Variants in CDR2L observed in about 807,000 individuals in gnomAD.
The protein encoded by CDR2L is cerebellar degeneration-related protein 2-like.
In CDR2L, 19 loss-of-function variants were observed where a neutral mutation model predicts 36.1. The ratio of observed to expected loss-of-function variants is 0.53; its 90% CI spans 0.37 to 0.77. The LOEUF (loss-of-function observed/expected upper bound fraction) is 0.77, where lower values mean the gene tolerates loss of function less well. CDR2L is among the 30% of genes least tolerant of loss of function. The pLI is 0.00. For synonymous variants in CDR2L, 285 were observed against 280.4 expected (o/e 1.02, Z -0.16); for missense variants, 575 against 627.2 (o/e 0.92, Z 0.89).
chr17:74,999,387 C>T, intron 1 of CDR2L, 117 bp from the exon 2 acceptor site: 1 of 675,522 alleles, frequency 1.5e-6, no homozygotes, highest in South Asian at 1.7e-5. Flanking sequence ...TACCTCTCCT[C>T]CCAGGCCTGG....
chr17:75,003,704 A>G lies in CDR2L; in HGVS notation c.1028A>G (p.Asn343Ser). The G allele has an allele frequency of 6.8e-7, 1 of 1,465,432 alleles. No homozygotes were observed. Among genetic ancestry groups the G allele is most frequent in the Non-Finnish European group, 9.0e-7 (1 of 1,107,258 alleles). The allele number at this position is 1,465,432 out of a possible 1,614,324, so 90.8% of individuals were successfully genotyped here. The change falls in exon 5 of 5, where the codon AAC becomes AGC. Residue 343 changes from asparagine (N) to serine (S), a missense_variant. Physicochemically the swap from Asn to Ser is conservative, Grantham distance 46. Transcript: ENST00000337231. ...GCGGGCAACCTCACACTGCACGCCA[A>G]CAGCGTGCGCAAGCGGGGCATGTCC... ...RHAGNLTLHA[N>S]SVRKRGMSIL... is the part of the protein sequence containing the mutation.
chr17:74,999,738 C>G, intron 2 of CDR2L, 122 bp downstream of exon 2: 1 of 596,306 alleles, frequency 1.7e-6, no homozygotes, highest in Non-Finnish European at 3.0e-6. Context: ...TAGCCTGGTA[C>G]AGTTCACAAC....
In CDR2L at chr17:75,003,784, C is replaced by G; in HGVS notation, c.1108C>G (p.Leu370Val). ...CGCGCTGCTGGAGAAGTACGAGGAGCTGCTGAGCAAGTGCCGGCAGCACGG... is the reference window on the plus strand; with the variant it reads ...CGCGCTGCTGGAGAAGTACGAGGAGGTGCTGAGCAAGTGCCGGCAGCACGG... Reference protein sequence around the residue: ...YHALLEKYEELLSKCRQHGAG... With the variant: ...YHALLEKYEEVLSKCRQHGAG... The change falls in exon 5 of 5, where the codon CTG (leucine) becomes GTG (valine). Residue 370 changes from leucine (L) to valine (V), a missense_variant. Coordinates refer to ENST00000337231, the MANE Select transcript of CDR2L (RefSeq NM_014603.3). 1 of 1,524,808 alleles carries G rather than the reference C, an allele frequency of 6.6e-7. No individual in the cohort carries two copies. Among genetic ancestry groups the G allele is most frequent in the Non-Finnish European group, 8.8e-7 (1 of 1,134,140 alleles). The allele number at this position is 1,524,808 out of a possible 1,614,324, so 94.5% of individuals were successfully genotyped here.
rs1043122984 is a variant in CDR2L, at chr17:75,004,208, C to T, written c.*134C>T. 7 of 751,740 alleles carry T rather than the reference C, an allele frequency of 9.3e-6. No homozygotes were observed. Among genetic ancestry groups the T allele is most frequent in the African/African-American group, 8.9e-5 (5 of 56,370 alleles). The allele number at this position is 751,740 out of a possible 1,614,324, so 46.6% of individuals were successfully genotyped here. On this transcript the variant is annotated 3_prime_UTR_variant, in exon 5 of 5. Coordinates refer to ENST00000337231, the MANE Select transcript of CDR2L (RefSeq NM_014603.3). ...CACGCGGCCTCCTGATCCGGAAGCA[C>T]GCAGCATGTTCCCTGCTGAGCGGAG... is the stretch of plus-strand genomic sequence containing the variant.
Position 75,002,912 on chromosome 17 carries a change from C to T in CDR2L, c.507-271C>T, listed in dbSNP as rs545488708. 6.6e-6 allele frequency among the ~76,000 whole-genome samples: 1 copy of T among 152,298 alleles called. No homozygotes were observed. The highest frequency in any genetic ancestry group is 2.1e-4 in the South Asian group (1 of 4,834). On this transcript the variant is annotated intron_variant, in intron 4 of 4. Transcript: ENST00000337231. This position sits in a 1 kb window ranked among gnomAD's most constrained non-coding sequence, Gnocchi z 4.1. ...CACCCCACGGCCTCTGCTCCCCCCTCGGACCTCTAGCCAGTGCCTCTCATG... is the reference window on the plus strand; with the variant it reads ...CACCCCACGGCCTCTGCTCCCCCCTTGGACCTCTAGCCAGTGCCTCTCATG...
chr17:75,003,442 C>T lies in CDR2L; in HGVS notation c.766C>T (p.Gln256Ter). 1 of 1,577,766 alleles carries T rather than the reference C, an allele frequency of 6.3e-7. No individual in the cohort carries two copies. Among genetic ancestry groups the T allele is most frequent in the Non-Finnish European group, 8.6e-7 (1 of 1,162,960 alleles). The stretch of plus-strand genomic sequence containing the variant: ...GGAGGCCGAGCTGCTGGAGCTGCAG[C>T]AGATGAAGCAGGCCAAGACCTACCT... ...ELEAELLELQ[Q>*]MKQAKTYLLG... is the part of the protein sequence containing the mutation. The change falls in exon 5 of 5, where the codon CAG (glutamine) becomes TAG (stop). Residue 256 changes from glutamine (Q) to a stop codon, truncating the protein, a stop_gained. Transcript: ENST00000337231. LOFTEE classifies it high-confidence loss of function.
Position 75,002,482 on chromosome 17 carries a change from G to A in CDR2L, c.506+254G>A, listed in dbSNP as rs555043235. Among the ~76,000 whole-genome samples the A allele has an allele frequency of 6.6e-6, 1 of 152,332 alleles. No individual in the cohort carries two copies. The highest frequency in any genetic ancestry group is 2.4e-5 in the African/African-American group (1 of 41,564). On this transcript the variant is annotated intron_variant, in intron 4 of 4. Coordinates refer to ENST00000337231, the MANE Select transcript of CDR2L (RefSeq NM_014603.3). This position sits in a 1 kb window ranked among gnomAD's most constrained non-coding sequence, Gnocchi z 4.1. ...CTCCAGATGATAAAACTGAAGCCCA[G>A]AGGTTGTGTGTCTTATCCAAGGTCA...
intron 2 of CDR2L, among the ~76,000 whole-genome samples, chr17:75,000,617 TAA>T (rs71159407): frequency 1.9e-4 from 22 of 114,226 alleles, no homozygotes; most frequent in Non-Finnish European, 2.1e-4. Context: ...TTTTAGAAGT[TAA>T]AAAAAAAAAA....
At chr17:74,994,600 G>A (rs918529798) in intron 1 of CDR2L, among the ~76,000 whole-genome samples, 1 of 152,188 alleles carries the variant, frequency 6.6e-6, no homozygotes, top group Admixed American at 6.5e-5. Context: ...GTACAACAAA[G>A]TTAATTAGTT....
intron 1 of CDR2L, among the ~76,000 whole-genome samples, chr17:74,988,746 A>G (rs1488582584): frequency 6.6e-6 from 1 of 152,086 alleles, no homozygotes; most frequent in Non-Finnish European, 1.5e-5. Flanking sequence ...CAAATGGCTC[A>G]TGGTTTGGAG....
rs371290436 is a variant in CDR2L, at chr17:75,003,800, G to C, written c.1124G>C (p.Arg375Pro). 5.2e-4 allele frequency: 794 copies of C among 1,535,368 alleles called. 7 individuals carry two copies. In the South Asian group the frequency reaches 7.4e-3, roughly 14 times the overall value. Residue 375 changes from arginine to proline, a missense_variant, in exon 5 of 5, where the codon CGG becomes CCG. Arg to Pro is a moderately radical substitution (Grantham distance 103, BLOSUM62 -2). Coordinates refer to ENST00000337231, the MANE Select transcript of CDR2L (RefSeq NM_014603.3). Reference protein sequence around the residue: ...EKYEELLSKCRQHGAGVRHAG... With the variant: ...EKYEELLSKCPQHGAGVRHAG... ...TACGAGGAGCTGCTGAGCAAGTGCC[G>C]GCAGCACGGGGCCGGAGTGCGGCAC...
intron 1 of CDR2L, among the ~76,000 whole-genome samples, chr17:74,993,160 C>A (rs1321046746): frequency 6.6e-6 from 1 of 152,150 alleles, no homozygotes; most frequent in Non-Finnish European, 1.5e-5. Flanking sequence ...AAATTTGAGT[C>A]CCACTATGGA....
chr17:75,003,348 G>A lies in CDR2L; in HGVS notation c.672G>A (p.Leu224=). 6.4e-7 allele frequency: 1 copy of A among 1,557,564 alleles called. No individual in the cohort carries two copies. The highest frequency in any genetic ancestry group is 8.7e-7 in the Non-Finnish European group (1 of 1,151,538). Residue 224 remains leucine, a synonymous_variant, in exon 5 of 5, where the codon CTG becomes CTA. Transcript: ENST00000337231. ...CGGAGCGCGAGTACACCGCGGTGCT[G>A]CAGGAGTACTCGGAGCTGGAGCGCC... ...ERAEREYTAV[L]QEYSELERQL...
intron 1 of CDR2L, among the ~76,000 whole-genome samples, chr17:74,990,877 T>C (rs2039792665): frequency 1.3e-5 from 2 of 152,246 alleles, no homozygotes; most frequent in South Asian, 4.1e-4. Flanking sequence ...AGCTGCTCCC[T>C]GGTTGCCTGT....
At position 75,001,531 on chromosome 17, in the gene CDR2L, C is replaced by T. The variant is rs182923091; in HGVS notation, c.341+42C>T. ...GGGCTGGGGGGCGGGCGAGGGAGAG[C>T]CCCAGGGCTGAGTGTACACAGGGGC... On this transcript the variant is annotated intron_variant, in intron 3 of 4. Coordinates refer to ENST00000337231, the MANE Select transcript of CDR2L (RefSeq NM_014603.3). 1.2e-3 allele frequency: 1,728 copies of T among 1,472,008 alleles called. 65 individuals are homozygous for T. In the Admixed American group the frequency reaches 0.04, roughly 34 times the overall value. The allele number at this position is 1,472,008 out of a possible 1,614,324, so 91.2% of individuals were successfully genotyped here. A position where few individuals can be genotyped will look rare whatever the true frequency, so the allele number is the denominator to read the frequency against.
chr17:75,004,023 G>C lies in CDR2L; in HGVS notation c.1347G>C (p.Lys449Asn), dbSNP rs904667278. The C allele has an allele frequency of 2.2e-5, 35 of 1,610,834 alleles. No individual in the cohort carries two copies. The highest frequency in any genetic ancestry group is 2.7e-5 in the Non-Finnish European group (32 of 1,178,844). Residue 449 changes from lysine to asparagine, a missense_variant, in exon 5 of 5, where the codon AAG becomes AAC. By Grantham distance (94) the Lys-to-Asn change is moderately conservative. Transcript: ENST00000337231. ...LFKEIFSRIQKTKADINATKV... is the reference protein window; with the variant it reads ...LFKEIFSRIQNTKADINATKV... ...AAGAGATCTTCTCCAGGATCCAGAA[G>C]ACCAAGGCTGACATCAACGCCACCA...
In CDR2L at chr17:75,001,577, C is replaced by T. The variant is rs1192655336; in HGVS notation, c.341+88C>T. On this transcript the variant is annotated intron_variant, in intron 3 of 4. Coordinates refer to ENST00000337231, the MANE Select transcript of CDR2L (RefSeq NM_014603.3). ...GGGGCCCATGGACTGATGGGTGTGA[C>T]TTGTGCACGTCTCCCTAGGAACCGG... 5 of 1,193,840 alleles carry T rather than the reference C, an allele frequency of 4.2e-6. No individual in the cohort carries two copies. The African/African-American group carries it at 7.7e-5, about 18-fold the overall frequency. The allele number at this position is 1,193,840 out of a possible 1,614,324, so 74.0% of individuals were successfully genotyped here.
intron 1 of CDR2L, among the ~76,000 whole-genome samples, chr17:74,997,680 A>G (rs1237111470): frequency 2.0e-5 from 3 of 151,818 alleles, no homozygotes; most frequent in African/African-American, 7.3e-5. Context: ...TGAGGCCAGG[A>G]GTTCAATACT....
chr17:74,998,043 AC>A (rs1293497091), intron 1 of CDR2L, among the ~76,000 whole-genome samples: 4 of 151,936 alleles, frequency 2.6e-5, no homozygotes, highest in Non-Finnish European at 4.4e-5. Context: ...ACACGGTGAA[AC>A]CCCGTCTCTA....
Sources: gnomAD v4.1 joint callset for allele counts (sites outside exome capture counted in the v4.1 genomes callset) on GRCh38, gnomAD v4.1.1 for gene constraint, Gnocchi (gnomAD v3.1) non-coding constraint, MANE v1.5 for transcripts, NCBI Gene and HGNC (gene_info 2026-07-23, HGNC 2026-07-21) for gene names.